NME7: variants seen among roughly 807,000 people sequenced by gnomAD.
NME7 encodes the protein nucleoside diphosphate kinase 7.
In NME7, 41 loss-of-function variants were observed where a neutral mutation model predicts 49.1. That is an observed-to-expected ratio of 0.83 (90% CI 0.65 to 1.08). The LOEUF is 1.08. NME7 is among the 50% of genes least tolerant of loss of function. The pLI, the probability that NME7 is intolerant of heterozygous loss-of-function variation, is 0.00. For synonymous variants in NME7, 139 were observed against 150.6 expected (o/e 0.92, Z 0.56); for missense variants, 423 against 463.4 (o/e 0.91, Z 0.80).
chr1:169,281,120 C>G (rs1649994063), intron 7 of NME7, among the ~76,000 whole-genome samples: 1 of 152,114 alleles, frequency 6.6e-6, no homozygotes, highest in Non-Finnish European at 1.5e-5. Context: ...TTTGTGTCCT[C>G]TCTTATTTCC....
intron 7 of NME7, among the ~76,000 whole-genome samples, chr1:169,256,692 G>A (rs1266550962): frequency 8.1e-6 from 1 of 123,206 alleles, no homozygotes; most frequent in African/African-American, 2.7e-5. Flanking sequence ...CATCTTTGTG[G>A]TTTTATCTAC....
At chr1:169,196,653 T>C (rs1660388767) in intron 10 of NME7, among the ~76,000 whole-genome samples, 1 of 152,174 alleles carries the variant, frequency 6.6e-6, no homozygotes, top group South Asian at 2.1e-4. Context: ...TATTTGCAAC[T>C]TCAACTACTT....
chr1:169,300,425 T>C (rs949229163), intron 5 of NME7, among the ~76,000 whole-genome samples: 59 of 152,166 alleles, frequency 3.9e-4, no homozygotes, highest in African/African-American at 1.4e-3. Context: ...AAATAACATG[T>C]CTACTGTGGC....
intron 11 of NME7, among the ~76,000 whole-genome samples, chr1:169,146,240 A>G (rs991854096): frequency 6.6e-6 from 1 of 152,230 alleles, no homozygotes; most frequent in Non-Finnish European, 1.5e-5. Flanking sequence ...CTCAAATAAT[A>G]AATACATCTG....
At chr1:169,293,117 A>G (rs1439989077) in intron 6 of NME7, among the ~76,000 whole-genome samples, 1 of 151,206 alleles carries the variant, frequency 6.6e-6, no homozygotes, top group African/African-American at 2.4e-5. Flanking sequence ...CAATATCACA[A>G]GACCCTGTCT....
chr1:169,306,621 A>C (rs1350895844), intron 4 of NME7, among the ~76,000 whole-genome samples: 1 of 152,202 alleles, frequency 6.6e-6, no homozygotes, highest in Non-Finnish European at 1.5e-5. Flanking sequence ...ACAGTTGCAG[A>C]GAGAAGTCAA....
At chr1:169,340,076 A>C (rs1057177244) in intron 1 of NME7, among the ~76,000 whole-genome samples, 1 of 152,124 alleles carries the variant, frequency 6.6e-6, no homozygotes, top group African/African-American at 2.4e-5. Context: ...CTTTGTAACT[A>C]GTCCCTTCAG....
intron 11 of NME7, among the ~76,000 whole-genome samples, chr1:169,163,627 T>C (rs1659311414): frequency 6.6e-6 from 1 of 152,196 alleles, no homozygotes; most frequent in East Asian, 1.9e-4. Context: ...TAGTAATAAA[T>C]GAATGTTGAT....
At chr1:169,219,750 GCTT>G (rs1661085540) in intron 10 of NME7, among the ~76,000 whole-genome samples, 1 of 152,108 alleles carries the variant, frequency 6.6e-6, no homozygotes, top group African/African-American at 2.4e-5. Flanking sequence ...TATACTGAGA[GCTT>G]CTTAAGGGTC....
intron 1 of NME7, among the ~76,000 whole-genome samples, chr1:169,333,262 A>G (rs1652327860): frequency 6.6e-6 from 1 of 152,168 alleles, no homozygotes; most frequent in South Asian, 2.1e-4. Context: ...ATGAAAAAAA[A>G]TTGAACTCAT....
intron 1 of NME7, among the ~76,000 whole-genome samples, chr1:169,352,480 A>G (rs1653214151): frequency 6.6e-6 from 1 of 152,150 alleles, no homozygotes; most frequent in South Asian, 2.1e-4. Context: ...ATCACAATGA[A>G]AGGGGAAAAA....
intron 11 of NME7, among the ~76,000 whole-genome samples, chr1:169,163,335 T>C (rs369253559): frequency 1.8e-3 from 267 of 151,762 alleles, no homozygotes; most frequent in African/African-American, 6.1e-3. Flanking sequence ...TACAGCAAAA[T>C]AAATTTGCCA....
intron 7 of NME7, among the ~76,000 whole-genome samples, chr1:169,245,773 T>C (rs1282453470): frequency 6.6e-6 from 1 of 152,136 alleles, no homozygotes; most frequent in East Asian, 1.9e-4. Flanking sequence ...ATCAAAAAAC[T>C]AGAGATTATG....
At chr1:169,318,128 T>C (rs1413528628) in intron 3 of NME7, among the ~76,000 whole-genome samples, 2 of 152,228 alleles carry the variant, frequency 1.3e-5, no homozygotes, top group Non-Finnish European at 2.9e-5. Flanking sequence ...AGTATGCCCT[T>C]AGTTTGTTCT....
intron 6 of NME7, among the ~76,000 whole-genome samples, chr1:169,296,556 G>A (rs12561922): frequency 0.062 from 9,432 of 151,826 alleles, 386 homozygotes; most frequent in East Asian, 0.12. Flanking sequence ...CCAGTCTCCC[G>A]GCTTTAAATA....
intron 7 of NME7, chr1:169,285,563 A>G (rs1189272695): frequency 6.6e-6 from 1 of 152,062 alleles, no homozygotes; most frequent in Admixed American, 6.6e-5. Context: ...AAAACAAACA[A>G]ACAAACAAAC....
intron 1 of NME7, among the ~76,000 whole-genome samples, chr1:169,355,557 G>A (rs113226362): frequency 2.0e-5 from 3 of 150,346 alleles, no homozygotes; most frequent in African/African-American, 7.4e-5. Context: ...AGTTACACTG[G>A]CCTTCTTGCT....
At chr1:169,271,810 A>G (rs1446757515) in intron 7 of NME7, among the ~76,000 whole-genome samples, 1 of 133,070 alleles carries the variant, frequency 7.5e-6, no homozygotes, top group African/African-American at 2.5e-5. Context: ...TATTACAGGT[A>G]ATATTAAATA....
intron 11 of NME7, among the ~76,000 whole-genome samples, chr1:169,138,237 G>A (rs373475436): frequency 1.3e-5 from 2 of 152,116 alleles, no homozygotes; most frequent in Non-Finnish European, 2.9e-5. Flanking sequence ...CTTGAACCCC[G>A]GGGGTGGAGG....
Sources: gnomAD v4.1 joint callset for allele counts (sites outside exome capture counted in the v4.1 genomes callset) on GRCh38, gnomAD v4.1.1 for gene constraint, MANE v1.5 for transcripts, NCBI Gene and HGNC (gene_info 2026-07-23, HGNC 2026-07-21) for gene names.